The following PSD3 variants were observed in gnomAD, a reference collection of about 807,000 sequenced individuals.
PSD3 encodes PH and SEC7 domain-containing protein 3.
In PSD3, 49 loss-of-function variants were observed where a neutral mutation model predicts 105.5. The ratio of observed to expected loss-of-function variants is 0.46; its 90% CI spans 0.37 to 0.59. PSD3 has a LOEUF of 0.59. PSD3 is among the 20% of genes least tolerant of loss of function. PSD3 has a pLI of 0.00. For missense variants in PSD3, 1,561 were observed against 1,263.8 expected (o/e 1.24, Z -3.57); for synonymous variants, 557 against 457.8 (o/e 1.22, Z -2.77).
chr8:18,790,427 C>T (rs1383590363), intron 8 of PSD3, among the ~76,000 whole-genome samples: 1 of 151,572 alleles, frequency 6.6e-6, no homozygotes. Flanking sequence ...CTCAGCCTCC[C>T]AAGTAGCTGG....
chr8:18,623,065 T>C (rs1403348975), intron 11 of PSD3, among the ~76,000 whole-genome samples: 1 of 152,132 alleles, frequency 6.6e-6, no homozygotes, highest in African/African-American at 2.4e-5. Flanking sequence ...AAAAATCTTT[T>C]TGTAGAGACA....
Position 18,867,817 on chromosome 8 carries a change from T to A in PSD3, c.1491A>T (p.Ser497=), listed in dbSNP as rs890751056. 3.0e-5 allele frequency: 48 copies of A among 1,614,036 alleles called. No homozygotes were observed. Among genetic ancestry groups the A allele is most frequent in the Non-Finnish European group, 4.1e-5 (48 of 1,179,962 alleles). Residue 497 remains serine, a synonymous_variant, in exon 4 of 16, where the codon TCA becomes TCT. Coordinates refer to ENST00000327040, the MANE Select transcript of PSD3 (RefSeq NM_015310.4). ...TCAGGATATCCTGATGTCCTCCCCC[T>A]GATGTCCTCTCCAAGAACTGACCAC... ...KEGGQFLERT[S]GGGHQDILSV... is the part of the protein sequence containing the mutation.
intron 9 of PSD3, among the ~76,000 whole-genome samples, chr8:18,749,326 C>T (rs750318144): frequency 3.9e-5 from 6 of 152,194 alleles, no homozygotes; most frequent in East Asian, 1.9e-4. Flanking sequence ...ATCGGAACTA[C>T]GTTTCAATAG....
At chr8:18,662,342 T>G (rs1809408263) in intron 9 of PSD3, among the ~76,000 whole-genome samples, 1 of 152,350 alleles carries the variant, frequency 6.6e-6, no homozygotes, top group African/African-American at 2.4e-5. Flanking sequence ...ATATAAGGAA[T>G]ACAAAATGTG....
chr8:18,724,555 T>G (rs1803216267), intron 9 of PSD3, among the ~76,000 whole-genome samples: 1 of 151,996 alleles, frequency 6.6e-6, no homozygotes, highest in South Asian at 2.1e-4. Context: ...GAGGCTGCAG[T>G]GAGCTATGAT....
At chr8:19,073,719 G>T (rs1285591672) in intron 1 of PSD3, among the ~76,000 whole-genome samples, 1 of 151,968 alleles carries the variant, frequency 6.6e-6, no homozygotes, top group African/African-American at 2.4e-5. Context: ...TAGTTCAGGG[G>T]TCACAGCCTG....
At chr8:18,736,393 C>T (rs1293625305) in intron 9 of PSD3, among the ~76,000 whole-genome samples, 1 of 152,158 alleles carries the variant, frequency 6.6e-6, no homozygotes, top group Non-Finnish European at 1.5e-5. Context: ...ATGCCTGGCA[C>T]ACCATGAAAA....
chr8:19,042,629 A>T (rs1828162519), intron 1 of PSD3, among the ~76,000 whole-genome samples: 1 of 152,230 alleles, frequency 6.6e-6, no homozygotes, highest in South Asian at 2.1e-4. Flanking sequence ...AAAGCACCTC[A>T]CAAAAATGCT....
chr8:18,930,133 C>T (rs1441196866), intron 2 of PSD3, among the ~76,000 whole-genome samples: 3 of 152,088 alleles, frequency 2.0e-5, no homozygotes, highest in South Asian at 2.1e-4. Context: ...ACTGAAAGGG[C>T]TCCACAGGCA....
At chr8:18,673,226 A>C (rs12548403) in intron 9 of PSD3, among the ~76,000 whole-genome samples, 8 of 152,008 alleles carry the variant, frequency 5.3e-5, no homozygotes, top group African/African-American at 1.9e-4. Context: ...ACACCCACAC[A>C]CACCCTGCCC....
At chr8:18,764,687 T>C (rs1428441381) in intron 9 of PSD3, among the ~76,000 whole-genome samples, 2 of 152,188 alleles carry the variant, frequency 1.3e-5, no homozygotes, top group African/African-American at 4.8e-5. Flanking sequence ...ATGTCACCTT[T>C]CTTGAAAATT....
intron 2 of PSD3, among the ~76,000 whole-genome samples, chr8:18,889,219 C>G (rs1370744974): frequency 6.6e-6 from 1 of 152,166 alleles, no homozygotes; most frequent in Non-Finnish European, 1.5e-5. Context: ...AAAACAGCAC[C>G]TGCTTAGCAG....
chr8:18,993,293 G>C (rs548755418), intron 1 of PSD3, among the ~76,000 whole-genome samples: 44 of 152,158 alleles, frequency 2.9e-4, no homozygotes, highest in Non-Finnish European at 1.0e-4. Context: ...ACAGTTCTAT[G>C]ACCTCTCCTG....
At chr8:19,022,018 C>T (rs920642064) in intron 1 of PSD3, among the ~76,000 whole-genome samples, 8 of 152,138 alleles carry the variant, frequency 5.3e-5, no homozygotes, top group African/African-American at 1.7e-4. Flanking sequence ...CAGCTTCTGG[C>T]GAGACTCAGG....
At chr8:18,549,598 C>T (rs534120087) in intron 15 of PSD3, among the ~76,000 whole-genome samples, 29 of 152,262 alleles carry the variant, frequency 1.9e-4, no homozygotes, top group African/African-American at 5.3e-4. Context: ...CTGTGGTATA[C>T]GTCTAAATCA....
At chr8:18,627,911 G>T (rs1806610578) in intron 11 of PSD3, among the ~76,000 whole-genome samples, 1 of 151,570 alleles carries the variant, frequency 6.6e-6, no homozygotes, top group African/African-American at 2.4e-5. Context: ...CCTTAAAAAA[G>T]CAATTATAAA....
At chr8:18,736,863 T>C (rs1804187018) in intron 9 of PSD3, among the ~76,000 whole-genome samples, 1 of 152,248 alleles carries the variant, frequency 6.6e-6, no homozygotes, top group Non-Finnish European at 1.5e-5. Context: ...AAAAATCTTT[T>C]AAATCAAAGC....
At chr8:19,056,261 T>A (rs184474212) in intron 1 of PSD3, among the ~76,000 whole-genome samples, 7 of 152,244 alleles carry the variant, frequency 4.6e-5, no homozygotes, top group African/African-American at 1.4e-4. Context: ...TCCAGGCAGT[T>A]AATGGTTGCA....
chr8:19,017,545 T>C (rs1049279045), upstream of PSD3, among the ~76,000 whole-genome samples: 6 of 152,310 alleles, frequency 3.9e-5, 1 homozygote, highest in Middle Eastern at 6.8e-3. Flanking sequence ...CCTATCCCCA[T>C]TGGCGGTCGC....
Sources: allele counts gnomAD v4.1 joint callset (sites outside exome capture counted in the v4.1 genomes callset), GRCh38; gene constraint gnomAD v4.1.1; transcripts MANE v1.5; gene names NCBI Gene and HGNC (gene_info 2026-07-23, HGNC 2026-07-21).